The following DCDC1 variants were observed in gnomAD, a reference collection of about 807,000 sequenced individuals.
DCDC1 encodes the protein doublecortin domain-containing protein 1.
In DCDC1, 200 loss-of-function variants were observed where a neutral mutation model predicts 178.3. The ratio of observed to expected loss-of-function variants is 1.12; its 90% confidence interval spans 1.00 to 1.26. The LOEUF is 1.26. Among genes scored for constraint, DCDC1 ranks in the 50% most tolerant of loss-of-function variants. DCDC1 has a pLI of 0.00. For missense variants in DCDC1, 1,983 were observed against 1,749.2 expected (o/e 1.13, Z -2.38); for synonymous variants, 690 against 604.8 (o/e 1.14, Z -2.07).
At chr11:31,227,044 A>G (rs1364115785) in intron 9 of DCDC1, among the ~76,000 whole-genome samples, 1 of 152,162 alleles carries the variant, frequency 6.6e-6, no homozygotes, top group East Asian at 1.9e-4. Flanking sequence ...TAAAAAGCTA[A>G]ATATATAAAC....
At chr11:31,180,932 C>T (rs889691124) in intron 9 of DCDC1, among the ~76,000 whole-genome samples, 9 of 152,188 alleles carry the variant, frequency 5.9e-5, no homozygotes, top group South Asian at 2.1e-4. Flanking sequence ...CAGATCCCAC[C>T]GCCACGGAGC....
intron 2 of DCDC1, among the ~76,000 whole-genome samples, chr11:31,333,256 T>G (rs533330591): frequency 1.3e-5 from 2 of 152,110 alleles, no homozygotes; most frequent in Non-Finnish European, 2.9e-5. Flanking sequence ...TTCATCCCTT[T>G]ATTTTGAGCC....
intron 10 of DCDC1, among the ~76,000 whole-genome samples, chr11:31,134,443 A>T (rs966494051): frequency 1.3e-5 from 2 of 152,170 alleles, no homozygotes; most frequent in Non-Finnish European, 2.9e-5. Flanking sequence ...ATCCACCAAC[A>T]GTTTTGCCAA....
chr11:31,312,542 C>T (rs1948833696), intron 3 of DCDC1: 1 of 152,246 alleles, frequency 6.6e-6, no homozygotes, highest in African/African-American at 2.4e-5. Flanking sequence ...ATGGCCCTCC[C>T]CAGGGCAGGT....
At chr11:31,053,251 G>A (rs1375307494) in intron 20 of DCDC1, among the ~76,000 whole-genome samples, 1 of 151,978 alleles carries the variant, frequency 6.6e-6, no homozygotes. Context: ...TAAATTCCTG[G>A]AAAAATACAA....
Position 30,922,556 on chromosome 11 carries a change from AG to A in DCDC1, c.3079del (p.Leu1027Ter), listed in dbSNP as rs867271919. 5 of 1,585,816 alleles carry A rather than the reference AG, an allele frequency of 3.2e-6. No individual in the cohort carries two copies. Among genetic ancestry groups the A allele is most frequent in the Non-Finnish European group, 4.3e-6 (5 of 1,170,308 alleles). ...QQKKQIFLRN[L>X]ESDIAKIQIF... ...TTGAATTTTGGCAATGTCTGATTCT[AG>A]GTTCCTCAGGAATATTTGTTTCTTT... On this transcript the variant is annotated frameshift_variant, in exon 24 of 39. Transcript: ENST00000684477. LOFTEE classifies it high-confidence loss of function.
intron 20 of DCDC1, chr11:30,992,694 T>C (rs565392485): frequency 6.6e-6 from 1 of 152,226 alleles, no homozygotes; most frequent in South Asian, 2.1e-4. Flanking sequence ...GCTAAAGGAA[T>C]AGTTAAATTT....
At chr11:30,971,482 G>C (rs569764305) in intron 20 of DCDC1, among the ~76,000 whole-genome samples, 7 of 148,518 alleles carry the variant, frequency 4.7e-5, no homozygotes, top group African/African-American at 1.7e-4. Context: ...CATTACAAAA[G>C]AACCAAACAA....
chr11:31,031,621 T>A (rs1368289122), intron 20 of DCDC1, among the ~76,000 whole-genome samples: 1 of 152,104 alleles, frequency 6.6e-6, no homozygotes, highest in East Asian at 1.9e-4. Flanking sequence ...CTCTATGTCT[T>A]ATACAATAAT....
intron 20 of DCDC1, among the ~76,000 whole-genome samples, chr11:30,955,400 TTCTC>T (rs1948711285): frequency 6.6e-6 from 1 of 152,180 alleles, no homozygotes; most frequent in African/African-American, 2.4e-5. Flanking sequence ...CTTACTTTTG[TTCTC>T]TCTACCTCTC....
intron 20 of DCDC1, among the ~76,000 whole-genome samples, chr11:31,043,526 A>G (rs1282845896): frequency 6.6e-6 from 1 of 152,136 alleles, no homozygotes; most frequent in Non-Finnish European, 1.5e-5. Context: ...TACATGCTTA[A>G]ATCAGTTTGC....
intron 20 of DCDC1, among the ~76,000 whole-genome samples, chr11:30,954,843 T>C (rs982786506): frequency 1.3e-5 from 2 of 152,234 alleles, no homozygotes; most frequent in African/African-American, 4.8e-5. Flanking sequence ...TTCTCTTCTT[T>C]GCTCTGTGAA....
chr11:30,923,087 C>CA (rs1946357732), intron 23 of DCDC1, among the ~76,000 whole-genome samples: 1 of 151,918 alleles, frequency 6.6e-6, no homozygotes, highest in South Asian at 2.1e-4. Flanking sequence ...TACAGATTGG[C>CA]AAAATTAGAG....
chr11:30,964,585 A>G (rs188041659), intron 20 of DCDC1, among the ~76,000 whole-genome samples: 1 of 152,256 alleles, frequency 6.6e-6, no homozygotes, highest in Admixed American at 6.5e-5. Context: ...GATGATAACC[A>G]AGTACAAGTG....
chr11:31,099,910 G>A (rs1442565366), intron 15 of DCDC1, among the ~76,000 whole-genome samples: 2 of 151,918 alleles, frequency 1.3e-5, no homozygotes, highest in African/African-American at 2.4e-5. Flanking sequence ...GTAGAGACGG[G>A]GTTTCACCAT....
chr11:30,979,405 T>C (rs1590640752), intron 20 of DCDC1, among the ~76,000 whole-genome samples: 1 of 152,216 alleles, frequency 6.6e-6, no homozygotes, highest in Admixed American at 6.5e-5. Flanking sequence ...ACTAGTTGCA[T>C]AAATCTTGCA....
At chr11:31,033,063 G>A (rs1246413942) in intron 20 of DCDC1, among the ~76,000 whole-genome samples, 1 of 152,156 alleles carries the variant, frequency 6.6e-6, no homozygotes, top group Non-Finnish European at 1.5e-5. Flanking sequence ...GAGAGGGGCA[G>A]TTTCATCTGT....
chr11:31,062,391 C>T (rs1351076065), intron 20 of DCDC1, among the ~76,000 whole-genome samples: 1 of 152,062 alleles, frequency 6.6e-6, no homozygotes, highest in African/African-American at 2.4e-5. Flanking sequence ...AGGACTTTCC[C>T]CAAGGGAATT....
chr11:31,294,085 C>T (rs1446754197), intron 6 of DCDC1, among the ~76,000 whole-genome samples: 3 of 152,120 alleles, frequency 2.0e-5, no homozygotes, highest in Non-Finnish European at 4.4e-5. Context: ...CATCAAGGCA[C>T]CAGGGCGACA....
Sources: allele counts gnomAD v4.1 joint callset (sites outside exome capture counted in the v4.1 genomes callset), GRCh38; gene constraint gnomAD v4.1.1; transcripts MANE v1.5; gene names NCBI Gene and HGNC (gene_info 2026-07-23, HGNC 2026-07-21).